Variants in LRCH1 observed in about 807,000 individuals in gnomAD.
The protein encoded by LRCH1 is leucine rich repeats and calponin homology domain containing 1.
LRCH1 carries 23 observed loss-of-function variants against 94.9 expected under a neutral mutation model. The observed-to-expected ratio is 0.24, with a 90% CI of 0.17 to 0.34. The LOEUF is 0.34. LRCH1 is among the 10% of genes least tolerant of loss of function. The pLI, the probability that LRCH1 is intolerant of heterozygous loss-of-function variation, is 1.00. For synonymous variants in LRCH1, 364 were observed against 354.9 expected, an observed-to-expected ratio of 1.03 and a Z score of -0.29; for missense variants, 790 against 945.9, an observed-to-expected ratio of 0.84 and a Z score of 2.16.
intron 19 of LRCH1, among the ~76,000 whole-genome samples, chr13:46,738,496 A>G (rs368172323): frequency 2.0e-5 from 3 of 152,372 alleles, no homozygotes; most frequent in East Asian, 1.9e-4. Context: ...GAAATTACAC[A>G]TACCACTGAT....
intron 16 of LRCH1, among the ~76,000 whole-genome samples, chr13:46,718,727 G>A (rs755836024): frequency 5.3e-5 from 8 of 152,260 alleles, no homozygotes; most frequent in Non-Finnish European, 7.4e-5. Context: ...TCTAAAGCTC[G>A]TGATATTTTT....
chr13:46,744,795 G>A lies in LRCH1; in HGVS notation c.*2947G>A, dbSNP rs1873839953. On this transcript the variant is annotated 3_prime_UTR_variant, in exon 20 of 20. Transcript: ENST00000389797. The stretch of plus-strand genomic sequence containing the variant: ...GAAACTGAAAGTTGTTTTGGATTAG[G>A]TGAAAAATACTTTAATATGATTTTA... The A allele has an allele frequency of 2.0e-6, 2 of 984,632 alleles. No individual in the cohort carries two copies. The highest frequency in any genetic ancestry group is 4.7e-5 in the South Asian group (1 of 21,286). The allele number at this position is 984,632 out of a possible 1,614,324, so 61.0% of individuals were successfully genotyped here. A position where few individuals can be genotyped will look rare whatever the true frequency, so the allele number is the denominator to read the frequency against.
At chr13:46,623,490 A>G (rs1378558469) in intron 1 of LRCH1, among the ~76,000 whole-genome samples, 1 of 152,106 alleles carries the variant, frequency 6.6e-6, no homozygotes, top group Non-Finnish European at 1.5e-5. Flanking sequence ...GCCAATCTCT[A>G]GCTTCCTTTA....
intron 1 of LRCH1, among the ~76,000 whole-genome samples, chr13:46,640,623 C>T (rs903864844): frequency 4.6e-5 from 7 of 152,140 alleles, no homozygotes; most frequent in Admixed American, 3.3e-4. Flanking sequence ...TTCAATTCAA[C>T]GAATATTTAT....
At chr13:46,593,589 G>C (rs1249851403) in intron 1 of LRCH1, among the ~76,000 whole-genome samples, 1 of 152,176 alleles carries the variant, frequency 6.6e-6, no homozygotes, top group Non-Finnish European at 1.5e-5. Flanking sequence ...GAGTAAATTT[G>C]TTCTGTGTGT....
chr13:46,576,298 T>G (rs1378507766), intron 1 of LRCH1, among the ~76,000 whole-genome samples: 1 of 152,226 alleles, frequency 6.6e-6, no homozygotes, highest in Non-Finnish European at 1.5e-5. Context: ...AGGCCCTAAA[T>G]AAGAATGTCT....
chr13:46,623,343 A>G (rs2050903014), intron 1 of LRCH1, among the ~76,000 whole-genome samples: 1 of 152,196 alleles, frequency 6.6e-6, no homozygotes, highest in South Asian at 2.1e-4. Context: ...GGGGAAAGAC[A>G]TATTTAATAA....
downstream of LRCH1, chr13:46,744,919 CTTT>C: frequency 1.0e-6 from 1 of 982,770 alleles, no homozygotes; most frequent in African/African-American, 1.8e-5. Context: ...TTTTTTTCTT[CTTT>C]AAGATGGTCA....
intron 18 of LRCH1, 47 bp downstream of exon 18, chr13:46,729,031 G>A: frequency 6.4e-7 from 1 of 1,564,068 alleles, no homozygotes; most frequent in Non-Finnish European, 8.7e-7. Flanking sequence ...CAGACCTTTA[G>A]GGGGCACTGT....
rs1317145105 is a variant in LRCH1, at chr13:46,561,510, T to C, written c.307+7807T>C. ...GGACTTGCTTTTGACAGCTGACCCC[T>C]GCAGTGTGGTATGTATAGCTTTGGC... On this transcript the variant is annotated intron_variant, in intron 1 of 19. Coordinates refer to ENST00000389797, the MANE Select transcript of LRCH1 (RefSeq NM_001164211.2). Among the ~76,000 whole-genome samples the C allele has an allele frequency of 2.0e-5, 3 of 152,232 alleles. No individual in the cohort carries two copies. The East Asian group carries it at 5.8e-4, about 29-fold the overall frequency.
At chr13:46,644,585 A>G (rs530752192) in intron 1 of LRCH1, among the ~76,000 whole-genome samples, 1 of 152,236 alleles carries the variant, frequency 6.6e-6, no homozygotes, top group Non-Finnish European at 1.5e-5. Context: ...CTGTTTTTGT[A>G]TAGCCAGTGA....
chr13:46,628,652 G>A (rs11619750), intron 1 of LRCH1, among the ~76,000 whole-genome samples: 1 of 134,262 alleles, frequency 7.4e-6, no homozygotes, highest in African/African-American at 2.9e-5. Flanking sequence ...GCGATTCTCT[G>A]TCTCAGGGAA....
At chr13:46,614,544 C>G (rs1267818851) in intron 1 of LRCH1, among the ~76,000 whole-genome samples, 1 of 152,152 alleles carries the variant, frequency 6.6e-6, no homozygotes, top group Non-Finnish European at 1.5e-5. Context: ...GTTAAGGAAA[C>G]TTTTTTTAAA....
At chr13:46,598,629 C>G (rs1179170613) in intron 1 of LRCH1, among the ~76,000 whole-genome samples, 1 of 151,410 alleles carries the variant, frequency 6.6e-6, no homozygotes, top group African/African-American at 2.4e-5. Context: ...TAGCCTTGCT[C>G]TGGGTTTTGA....
At chr13:46,677,666 C>G (rs970772591) in intron 3 of LRCH1, among the ~76,000 whole-genome samples, 1 of 152,100 alleles carries the variant, frequency 6.6e-6, no homozygotes, top group Non-Finnish European at 1.5e-5. Flanking sequence ...AATCTTATTT[C>G]TAAAGTTTTT....
Position 46,701,101 on chromosome 13 carries a change from T to C in LRCH1, c.1314-20T>C, listed in dbSNP as rs763023148. The C allele has an allele frequency of 7.3e-6, 11 of 1,506,886 alleles. No homozygotes were observed. The South Asian group carries it at 1.1e-4, about 16-fold the overall frequency. The allele number at this position is 1,506,886 out of a possible 1,614,324, so 93.3% of individuals were successfully genotyped here. ...GTTGTATTGATCGTTTTCATTCTTA[T>C]GCTTGGTTTCACGTTACAGAATAAG... On this transcript the variant is annotated intron_variant, in intron 10 of 19. Coordinates refer to ENST00000389797, the MANE Select transcript of LRCH1 (RefSeq NM_001164211.2).
chr13:46,720,260 GC>G (rs1378229020), intron 16 of LRCH1, among the ~76,000 whole-genome samples: 1 of 151,860 alleles, frequency 6.6e-6, no homozygotes, highest in African/African-American at 2.4e-5. Flanking sequence ...GGTGGTGCAG[GC>G]CTGTGGTCCC....
At chr13:46,622,588 CTA>C (rs1422785364) in intron 1 of LRCH1, among the ~76,000 whole-genome samples, 12 of 152,128 alleles carry the variant, frequency 7.9e-5, no homozygotes, top group African/African-American at 2.9e-4. Flanking sequence ...ACTAGTACCA[CTA>C]TTTTAGTACA....
rs186463514 is a variant in LRCH1, at chr13:46,578,922, G to A, written c.307+25219G>A. ...GGTTGAGGCCCTTACCTTTATTTAT[G>A]TTGTTCACTGGTACAGCCAGACTGC... On this transcript the variant is annotated intron_variant, in intron 1 of 19. Transcript: ENST00000389797. 7.2e-5 allele frequency among the ~76,000 whole-genome samples: 11 copies of A among 152,234 alleles called. No homozygotes were observed. The East Asian group carries it at 1.9e-3, about 27-fold the overall frequency.
Sources: gnomAD v4.1 joint callset for allele counts (sites outside exome capture counted in the v4.1 genomes callset) on GRCh38, gnomAD v4.1.1 for gene constraint, MANE v1.5 for transcripts, NCBI Gene and HGNC (gene_info 2026-07-23, HGNC 2026-07-21) for gene names.